Variants in NINJ1 observed in about 807,000 individuals in gnomAD.
NINJ1 encodes ninjurin 1, also known as ninjurin-1.
In NINJ1, 6 loss-of-function variants were observed where a neutral mutation model predicts 12.7. That is an observed-to-expected ratio of 0.47 (90% CI 0.26 to 0.93). The LOEUF (loss-of-function observed/expected upper bound fraction) is 0.93. Ranked by LOEUF, NINJ1 falls within the 40% of genes least tolerant of loss-of-function variation. The pLI is 0.15. For missense variants in NINJ1, 170 were observed against 213.0 expected, an observed-to-expected ratio of 0.80 and a Z score of 1.26; for synonymous variants, 100 against 96.0, an observed-to-expected ratio of 1.04 and a Z score of -0.25.
intron 1 of NINJ1, among the ~76,000 whole-genome samples, chr9:93,126,864 C>T (rs1031719939): frequency 6.6e-6 from 1 of 152,162 alleles, no homozygotes; most frequent in East Asian, 1.9e-4. Context: ...AGAAAGGAAA[C>T]GACATAGCAA....
intron 1 of NINJ1, 50 bp downstream of exon 1, chr9:93,134,093 G>GA: frequency 7.1e-7 from 1 of 1,414,048 alleles, no homozygotes; most frequent in Non-Finnish European, 9.5e-7. Context: ...GCGGCGCCCC[G>GA]AAAGGACAGG....
chr9:93,132,238 G>A (rs1827905020), intron 1 of NINJ1, among the ~76,000 whole-genome samples: 1 of 152,194 alleles, frequency 6.6e-6, no homozygotes, highest in Non-Finnish European at 1.5e-5. Flanking sequence ...CCCCCAGGCT[G>A]GGTGAGCAGA....
At chr9:93,126,843 C>T (rs542301096) in intron 1 of NINJ1, among the ~76,000 whole-genome samples, 2 of 152,164 alleles carry the variant, frequency 1.3e-5, no homozygotes, top group South Asian at 2.1e-4. Flanking sequence ...CCTAGGAATA[C>T]GGTCCTGGAG....
rs1414164124 is a variant in NINJ1 at position 93,126,617 on chromosome 9, G to A, written c.97C>T (p.His33Tyr). The A allele has an allele frequency of 3.7e-6, 6 of 1,607,338 alleles. No individual in the cohort carries two copies. Among genetic ancestry groups the A allele is most frequent in the Non-Finnish European group, 5.1e-6 (6 of 1,175,454 alleles). The change falls in exon 2 of 4, where the codon CAC (histidine) becomes TAC (tyrosine). Residue 33 changes from histidine (H) to tyrosine (Y), a missense_variant. By Grantham distance (83) the His-to-Tyr change is moderately conservative. Coordinates refer to ENST00000375446, the MANE Select transcript of NINJ1 (RefSeq NM_004148.4). ...DASPARWGWR[H>Y]GPINVNHYAS... ...TAATGGTTCACGTTGATGGGCCCGT[G>A]CCTCCAGCCCCAGCGGGCCGGCTGC...
chr9:93,123,574 G>A (rs529433362), intron 3 of NINJ1, among the ~76,000 whole-genome samples: 20 of 152,284 alleles, frequency 1.3e-4, no homozygotes, highest in African/African-American at 4.8e-4. Flanking sequence ...GTGAGCCACC[G>A]TGCCTGGCCT....
intron 3 of NINJ1, among the ~76,000 whole-genome samples, chr9:93,123,958 C>T (rs1236198492): frequency 6.6e-6 from 1 of 152,256 alleles, no homozygotes; most frequent in Non-Finnish European, 1.5e-5. Context: ...AGTCTTCCTA[C>T]ACTGGGTGCC....
chr9:93,122,815 C>T (rs1827753709), intron 3 of NINJ1, among the ~76,000 whole-genome samples: 1 of 152,228 alleles, frequency 6.6e-6, no homozygotes, highest in Non-Finnish European at 1.5e-5. Context: ...CTGCTGGGTC[C>T]CCACGTGGCC....
chr9:93,123,981 G>A (rs556765904), intron 3 of NINJ1, among the ~76,000 whole-genome samples: 2 of 152,366 alleles, frequency 1.3e-5, no homozygotes, highest in East Asian at 3.9e-4. Context: ...GTCCTGTAGA[G>A]ACAGCCTCAG....
chr9:93,130,491 A>G (rs114957417), intron 1 of NINJ1, among the ~76,000 whole-genome samples: 3,136 of 152,312 alleles, frequency 0.021, 104 homozygotes, highest in African/African-American at 0.071. Flanking sequence ...GTGGTGATGC[A>G]TATCAGTCGC....
intron 2 of NINJ1, chr9:93,126,140 T>C: frequency 2.1e-6 from 1 of 480,962 alleles, no homozygotes. Context: ...CAGCTTGCAG[T>C]GAGCCGAGAC....
At chr9:93,128,585 C>T (rs545796234) in intron 1 of NINJ1, among the ~76,000 whole-genome samples, 45 of 152,372 alleles carry the variant, frequency 3.0e-4, no homozygotes, top group African/African-American at 8.2e-4. Flanking sequence ...ACGTGTGCTC[C>T]GCAAGGTGCA....
chr9:93,127,241 C>T (rs34297115), intron 1 of NINJ1, among the ~76,000 whole-genome samples: 30,933 of 152,208 alleles, frequency 0.2, 3,321 homozygotes, highest in Middle Eastern at 0.24. Context: ...GGTGGGCCAC[C>T]CAGAGCCCGG....
intron 1 of NINJ1, among the ~76,000 whole-genome samples, chr9:93,127,042 G>A (rs1424710809): frequency 4.6e-5 from 7 of 152,060 alleles, no homozygotes; most frequent in South Asian, 2.1e-4. Flanking sequence ...AGGAAGTGAC[G>A]TGTGGGCGGA....
At chr9:93,129,403 C>T (rs1050406963) in intron 1 of NINJ1, among the ~76,000 whole-genome samples, 13 of 152,160 alleles carry the variant, frequency 8.5e-5, no homozygotes, top group Non-Finnish European at 1.6e-4. Context: ...CCAGGATGGC[C>T]TCTGAGCCCC....
chr9:93,133,081 G>A (rs1827920978), intron 1 of NINJ1, among the ~76,000 whole-genome samples: 1 of 152,226 alleles, frequency 6.6e-6, no homozygotes, highest in South Asian at 2.1e-4. Flanking sequence ...ACACACTGGG[G>A]CAGGGCCAGG....
At chr9:93,130,211 T>C (rs13439888) in intron 1 of NINJ1, among the ~76,000 whole-genome samples, 3,977 of 152,274 alleles carry the variant, frequency 0.026, 164 homozygotes, top group African/African-American at 0.087. Flanking sequence ...CAGCTCTGTG[T>C]AGGGGCGTGG....
intron 1 of NINJ1, among the ~76,000 whole-genome samples, chr9:93,132,306 C>T (rs1462959942): frequency 6.6e-6 from 1 of 152,222 alleles, no homozygotes; most frequent in Non-Finnish European, 1.5e-5. Flanking sequence ...CACACTGGCT[C>T]ATAGCCTTTC....
chr9:93,131,161 G>A (rs915191164), intron 1 of NINJ1, among the ~76,000 whole-genome samples: 1 of 152,212 alleles, frequency 6.6e-6, no homozygotes, highest in Non-Finnish European at 1.5e-5. Context: ...GTCTCCTACC[G>A]GCCAGCCCAG....
chr9:93,125,191 T>C, intron 2 of NINJ1, 129 bp from the exon 3 acceptor site: 1 of 874,072 alleles, frequency 1.1e-6, no homozygotes, highest in Non-Finnish European at 1.7e-6. Flanking sequence ...TCAGTCGCAT[T>C]TAGGATGAGT....
Sources: allele counts gnomAD v4.1 joint callset (sites outside exome capture counted in the v4.1 genomes callset), GRCh38; gene constraint gnomAD v4.1.1; transcripts MANE v1.5; gene names NCBI Gene and HGNC (gene_info 2026-07-23, HGNC 2026-07-21).